Variants in KCNIP4 observed in about 807,000 individuals in gnomAD.
KCNIP4 encodes the protein potassium voltage-gated channel interacting protein 4.
In KCNIP4, 12 loss-of-function variants were observed where a neutral mutation model predicts 34.0. The observed-to-expected ratio is 0.35, with a 90% confidence interval of 0.23 to 0.57. KCNIP4 has a LOEUF of 0.57. KCNIP4 is among the 20% of genes least tolerant of loss of function. KCNIP4 has a pLI of 0.83. For synonymous variants in KCNIP4, 124 were observed against 102.2 expected (o/e 1.21, Z -1.29); for missense variants, 238 against 311.7 (o/e 0.76, Z 1.78).
chr4:21,000,571 G>A (rs1200768891), intron 1 of KCNIP4, among the ~76,000 whole-genome samples: 1 of 151,996 alleles, frequency 6.6e-6, no homozygotes, highest in Admixed American at 6.5e-5. Context: ...TGTAATCCCA[G>A]CTACTAGGGA....
intron 1 of KCNIP4, among the ~76,000 whole-genome samples, chr4:21,828,803 C>G (rs1296585933): frequency 6.6e-6 from 1 of 151,886 alleles, no homozygotes; most frequent in African/African-American, 2.4e-5. Context: ...AAATTTCTGA[C>G]AAATGCCCAA....
At chr4:20,838,058 G>A (rs996982555) in intron 3 of KCNIP4, among the ~76,000 whole-genome samples, 12 of 151,990 alleles carry the variant, frequency 7.9e-5, no homozygotes, top group African/African-American at 2.9e-4. Flanking sequence ...TGTTAAAGTT[G>A]ATCCACATAG....
At chr4:21,854,690 T>G (rs1338741570) in intron 1 of KCNIP4, among the ~76,000 whole-genome samples, 1 of 152,178 alleles carries the variant, frequency 6.6e-6, no homozygotes, top group Non-Finnish European at 1.5e-5. Context: ...TTTGCTAGAA[T>G]TGACTCCTAA....
chr4:21,616,799 T>C (rs1404899770), intron 1 of KCNIP4, among the ~76,000 whole-genome samples: 1 of 152,176 alleles, frequency 6.6e-6, no homozygotes, highest in East Asian at 1.9e-4. Context: ...TAACAGCCCA[T>C]CCTACTTCAG....
rs1212955913 is a variant in KCNIP4 at position 21,793,419 on chromosome 4, G to T, written c.61+155152C>A. 4.1e-5 allele frequency among the ~76,000 whole-genome samples: 6 copies of T among 145,248 alleles called. No individual in the cohort carries two copies. In the South Asian group the frequency reaches 1.2e-3, roughly 30 times the overall value. ...ATTACAGGTGTGTGCCACCATGCCC[G>T]GCTAATTTTTGTAATTTTTGTACAG... On this transcript the variant is annotated intron_variant, in intron 1 of 8. Transcript: ENST00000382152.
At chr4:20,765,018 T>C (rs1244252868) in intron 3 of KCNIP4, among the ~76,000 whole-genome samples, 1 of 152,204 alleles carries the variant, frequency 6.6e-6, no homozygotes, top group Non-Finnish European at 1.5e-5. Flanking sequence ...AGAGATGAAG[T>C]CACTTGTTTG....
intron 1 of KCNIP4, among the ~76,000 whole-genome samples, chr4:21,877,432 G>T (rs1027705287): frequency 6.6e-6 from 1 of 152,150 alleles, no homozygotes; most frequent in Non-Finnish European, 1.5e-5. Flanking sequence ...TAGGACCAAG[G>T]TTGGTTTTAT....
intron 1 of KCNIP4, among the ~76,000 whole-genome samples, chr4:21,257,608 G>C (rs1457526123): frequency 6.6e-6 from 1 of 151,978 alleles, no homozygotes; most frequent in African/African-American, 2.4e-5. Context: ...AAATTAGCTG[G>C]GTATGGTGGC....
chr4:21,921,263 C>G lies in KCNIP4; in HGVS notation c.61+27308G>C, dbSNP rs571037244. ...TTCTTCTCCATCTATGACATTTACTCTTGGTGCTTTTGCTGTGTCCTTCCT... is the reference window on the plus strand; with the variant it reads ...TTCTTCTCCATCTATGACATTTACTGTTGGTGCTTTTGCTGTGTCCTTCCT... On this transcript the variant is annotated intron_variant, in intron 1 of 8. Coordinates refer to ENST00000382152, the MANE Select transcript of KCNIP4 (RefSeq NM_025221.6). Among the ~76,000 whole-genome samples the G allele has an allele frequency of 2.0e-5, 3 of 152,220 alleles. No homozygotes were observed. The South Asian group carries it at 6.2e-4, about 32-fold the overall frequency.
At chr4:21,066,173 T>C (rs1744365456) in intron 1 of KCNIP4, among the ~76,000 whole-genome samples, 1 of 152,152 alleles carries the variant, frequency 6.6e-6, no homozygotes, top group South Asian at 2.1e-4. Context: ...AGTATTCTTC[T>C]TATTGTGGGC....
At chr4:21,400,279 A>C (rs527634865) in intron 1 of KCNIP4, among the ~76,000 whole-genome samples, 20 of 152,212 alleles carry the variant, frequency 1.3e-4, no homozygotes, top group Admixed American at 2.6e-4. Context: ...CAGAGGAACA[A>C]ATATAGGCAA....
At chr4:20,983,803 GACC>G (rs991684588) in intron 1 of KCNIP4, 12 of 1,535,440 alleles carry the variant, frequency 7.8e-6, no homozygotes, top group Non-Finnish European at 8.7e-7. Context: ...AGACTGGAGC[GACC>G]ACTTTACCTT....
chr4:20,797,548 T>A (rs555913860), intron 3 of KCNIP4, among the ~76,000 whole-genome samples: 28 of 152,356 alleles, frequency 1.8e-4, no homozygotes, highest in Non-Finnish European at 3.4e-4. Context: ...CAGTTGATCT[T>A]AAGACAGAGA....
At chr4:21,174,501 T>A (rs1754250619) in intron 1 of KCNIP4, among the ~76,000 whole-genome samples, 1 of 152,226 alleles carries the variant, frequency 6.6e-6, no homozygotes. Flanking sequence ...GAAGGATTAT[T>A]AGTTTCACTC....
intron 1 of KCNIP4, among the ~76,000 whole-genome samples, chr4:21,676,603 A>G (rs1001967841): frequency 6.6e-6 from 1 of 152,228 alleles, no homozygotes; most frequent in Non-Finnish European, 1.5e-5. Flanking sequence ...ACTCTGTCAT[A>G]TGTGAATAAA....
intron 2 of KCNIP4, among the ~76,000 whole-genome samples, chr4:20,869,246 C>T (rs79489039): frequency 0.057 from 8,638 of 152,074 alleles, 386 homozygotes; most frequent in African/African-American, 0.12. Context: ...TTTAAAAAAG[C>T]TATTAGGAAA....
At chr4:21,480,766 A>G (rs34222306) in intron 1 of KCNIP4, among the ~76,000 whole-genome samples, 19,018 of 151,854 alleles carry the variant, frequency 0.13, 1,353 homozygotes, top group South Asian at 0.22. Flanking sequence ...TAAATGGAGA[A>G]CATAAAAGAA....
intron 1 of KCNIP4, among the ~76,000 whole-genome samples, chr4:21,356,153 T>C (rs1578121517): frequency 1.3e-5 from 2 of 152,094 alleles, no homozygotes; most frequent in East Asian, 3.9e-4. Flanking sequence ...AAAAAGTAAA[T>C]ACTGATGGAA....
chr4:20,743,841 A>G (rs1453714169), intron 5 of KCNIP4, among the ~76,000 whole-genome samples: 3 of 151,948 alleles, frequency 2.0e-5, no homozygotes, highest in Admixed American at 6.6e-5. Context: ...GCAACCTACA[A>G]AATGGGAGAA....
Sources: allele counts gnomAD v4.1 joint callset (sites outside exome capture counted in the v4.1 genomes callset), GRCh38; gene constraint gnomAD v4.1.1; transcripts MANE v1.5; gene names NCBI Gene and HGNC (gene_info 2026-07-23, HGNC 2026-07-21).